Variants in MRPS33 observed in about 807,000 individuals in gnomAD.
MRPS33 encodes small ribosomal subunit protein mS33.
In MRPS33, 11 loss-of-function variants were observed where a neutral mutation model predicts 11.2. The ratio of observed to expected loss-of-function variants is 0.99; its 90% CI spans 0.62 to 1.63. The LOEUF (loss-of-function observed/expected upper bound fraction) is 1.63, where lower values mean the gene tolerates loss of function less well. MRPS33 is among the 40% of genes most tolerant of loss of function. MRPS33 has a pLI of 0.00. For synonymous variants in MRPS33, 46 were observed against 44.0 expected (o/e 1.05, Z -0.18); for missense variants, 109 against 127.8 (o/e 0.85, Z 0.71).
At chr7:141,007,000 G>A (rs1183508418) in intron 2 of MRPS33, among the ~76,000 whole-genome samples, 2 of 152,144 alleles carry the variant, frequency 1.3e-5, no homozygotes, top group Non-Finnish European at 2.9e-5. Flanking sequence ...AAACCTTAGT[G>A]GCAGCAGGTA....
At chr7:141,007,399 A>T (rs759522452) in intron 2 of MRPS33, among the ~76,000 whole-genome samples, 2 of 152,204 alleles carry the variant, frequency 1.3e-5, no homozygotes, top group Non-Finnish European at 2.9e-5. Context: ...TAGGCTATCC[A>T]TGAACATCAT....
intron 2 of MRPS33, among the ~76,000 whole-genome samples, chr7:141,008,797 A>T (rs1820599367): frequency 7.8e-6 from 1 of 128,608 alleles, no homozygotes. Flanking sequence ...TAATTAAAAA[A>T]ATAATTTTTT....
intron 2 of MRPS33, among the ~76,000 whole-genome samples, chr7:141,007,228 C>A (rs748331812): frequency 1.3e-5 from 2 of 152,096 alleles, no homozygotes; most frequent in African/African-American, 2.4e-5. Context: ...TCCATGTGAA[C>A]CTGGGTTCAA....
intron 1 of MRPS33, among the ~76,000 whole-genome samples, chr7:141,013,045 T>A (rs1207469430): frequency 6.6e-6 from 1 of 151,510 alleles, no homozygotes; most frequent in Non-Finnish European, 1.5e-5. Flanking sequence ...TATTCCTTGT[T>A]CTTAATCATG....
chr7:141,010,315 CTATTA>C (rs1820642894), intron 2 of MRPS33, 99 bp downstream of exon 2: 1 of 1,099,478 alleles, frequency 9.1e-7, no homozygotes, highest in Non-Finnish European at 1.3e-6. Flanking sequence ...TACCTGGGCT[CTATTA>C]TAAGAACAAA....
At chr7:141,007,411 G>A (rs935804440) in intron 2 of MRPS33, among the ~76,000 whole-genome samples, 1 of 152,154 alleles carries the variant, frequency 6.6e-6, no homozygotes, top group African/African-American at 2.4e-5. Flanking sequence ...GAACATCATG[G>A]ACAGTATACA....
At chr7:141,014,631 A>C (rs1820756337) in intron 1 of MRPS33, 1 of 152,244 alleles carries the variant, frequency 6.6e-6, no homozygotes, top group Non-Finnish European at 1.5e-5. Flanking sequence ...TGTGATGAGC[A>C]GAGAAACTGA....
In MRPS33 at chr7:141,004,630, T is replaced by C. The variant is rs1820479655; in HGVS notation, c.*1800A>G. The C allele has an allele frequency of 6.6e-6, 1 of 152,226 alleles. No individual in the cohort carries two copies. The highest frequency in any genetic ancestry group is 1.5e-5 in the Non-Finnish European group (1 of 68,036). 9.4% of individuals were successfully genotyped at this position (152,226 alleles called of 1,614,324 possible). A position where few individuals can be genotyped will look rare whatever the true frequency, so the allele number is the denominator to read the frequency against. ...ATATGTTTGAATATTGACACTATTG[T>C]ACACTTAAATATGGTTAAGATCATT... On this transcript the variant is annotated 3_prime_UTR_variant, in exon 3 of 3. Transcript: ENST00000324787.
intron 1 of MRPS33, among the ~76,000 whole-genome samples, chr7:141,013,956 CAG>C (rs1370535343): frequency 6.6e-6 from 1 of 152,148 alleles, no homozygotes; most frequent in Non-Finnish European, 1.5e-5. Flanking sequence ...GTTTTGAAAA[CAG>C]TGGAAGTGTA....
intron 2 of MRPS33, among the ~76,000 whole-genome samples, chr7:141,008,477 G>C (rs1254959270): frequency 1.3e-5 from 2 of 152,178 alleles, no homozygotes; most frequent in Admixed American, 1.3e-4. Context: ...AACCTCTAAT[G>C]TTAACCAAGC....
rs924511140 is a variant in MRPS33, at chr7:141,006,194, G to A, written c.*236C>T. On this transcript the variant is annotated 3_prime_UTR_variant, in exon 3 of 3. Transcript: ENST00000324787. ...TAACTTAGGTATTTATTTCATTAGA[G>A]AATCAGGTAAACCTCACATTACACG... 1 of 527,600 alleles carries A rather than the reference G, an allele frequency of 1.9e-6. No individual in the cohort carries two copies. Among genetic ancestry groups the A allele is most frequent in the Non-Finnish European group, 3.4e-6 (1 of 296,796 alleles). The allele number at this position is 527,600 out of a possible 1,614,324, so 32.7% of individuals were successfully genotyped here.
At chr7:141,012,701 C>T (rs552473062) in intron 1 of MRPS33, among the ~76,000 whole-genome samples, 3 of 152,274 alleles carry the variant, frequency 2.0e-5, no homozygotes, top group Non-Finnish European at 4.4e-5. Context: ...AGTATTTCCA[C>T]AGTTAGTTAT....
intron 2 of MRPS33, among the ~76,000 whole-genome samples, chr7:141,009,265 G>A (rs368124904): frequency 2.0e-5 from 3 of 151,046 alleles, no homozygotes; most frequent in African/African-American, 7.3e-5. Flanking sequence ...CCAAGTAGCT[G>A]GAATTACAGG....
chr7:141,010,403 T>C lies in MRPS33; in HGVS notation c.215+16A>G. 6.2e-7 allele frequency: 1 copy of C among 1,613,110 alleles called. No individual in the cohort carries two copies. Among genetic ancestry groups the C allele is most frequent in the East Asian group, 2.2e-5 (1 of 44,882 alleles). On this transcript the variant is annotated intron_variant, in intron 2 of 2. Coordinates refer to ENST00000324787, the MANE Select transcript of MRPS33 (RefSeq NM_053035.3). ...AAAAAAGTCTCTCATAGGTCCCTCTTTGTGTTTGTCATCACCTGTAGAGTC... is the reference window on the plus strand; with the variant it reads ...AAAAAAGTCTCTCATAGGTCCCTCTCTGTGTTTGTCATCACCTGTAGAGTC...
Position 141,006,148 on chromosome 7 carries a change from C to T in MRPS33, c.*282G>A. 3 of 403,278 alleles carry T rather than the reference C, an allele frequency of 7.4e-6. No individual in the cohort carries two copies. Among genetic ancestry groups the T allele is most frequent in the Non-Finnish European group, 4.5e-6 (1 of 221,584 alleles). 25.0% of individuals were successfully genotyped at this position (403,278 alleles called of 1,614,324 possible). ...CCATTCCCCCAGCATCCCATCCCAC[C>T]CCAAACAAATCATCAAACAATAACT... On this transcript the variant is annotated 3_prime_UTR_variant, in exon 3 of 3. Coordinates refer to ENST00000324787, the MANE Select transcript of MRPS33 (RefSeq NM_053035.3).
At position 141,006,083 on chromosome 7, in the gene MRPS33, T is replaced by G; in HGVS notation, c.*347A>C. On this transcript the variant is annotated 3_prime_UTR_variant, in exon 3 of 3. Transcript: ENST00000324787. ...GAGTCAGTAAGCAAGAAGGGAGAAATGAGGACACTATAGGATGCTCACTTA... is the reference window on the plus strand; with the variant it reads ...GAGTCAGTAAGCAAGAAGGGAGAAAGGAGGACACTATAGGATGCTCACTTA... The G allele has an allele frequency of 4.9e-6, 1 of 203,532 alleles. No homozygotes were observed. The highest frequency in any genetic ancestry group is 9.9e-6 in the Non-Finnish European group (1 of 101,454). The allele number at this position is 203,532 out of a possible 1,614,324, so 12.6% of individuals were successfully genotyped here.
chr7:141,009,541 T>C (rs1820621201), intron 2 of MRPS33: 1 of 152,124 alleles, frequency 6.6e-6, no homozygotes, highest in East Asian at 1.9e-4. Context: ...TTACGTATTA[T>C]CCTTAAAGGC....
At chr7:141,011,986 G>GAAAAAA (rs753943703) in intron 1 of MRPS33, among the ~76,000 whole-genome samples, 2 of 35,288 alleles carry the variant, frequency 5.7e-5, no homozygotes, top group South Asian at 1.4e-3. Flanking sequence ...TGTTTTTACA[G>GAAAAAA]AAAAAAAAAC....
rs1029509825 is a variant in MRPS33 at position 141,003,167 on chromosome 7, C to T, written c.*3263G>A. On this transcript the variant is annotated 3_prime_UTR_variant, in exon 3 of 3. Transcript: ENST00000324787. Reference sequence around the variant, plus strand: ...AATGGTCTATGCACACTGATCCCCACAGGTTAGAAAGCACCAATAGTTTAG... The same window carrying T: ...AATGGTCTATGCACACTGATCCCCATAGGTTAGAAAGCACCAATAGTTTAG... 2.0e-4 allele frequency: 31 copies of T among 152,322 alleles called. No individual in the cohort carries two copies. Among genetic ancestry groups the T allele is most frequent in the African/African-American group, 7.2e-4 (30 of 41,572 alleles). 9.4% of individuals were successfully genotyped at this position (152,322 alleles called of 1,614,324 possible).
Sources: gnomAD v4.1 joint callset for allele counts (sites outside exome capture counted in the v4.1 genomes callset) on GRCh38, gnomAD v4.1.1 for gene constraint, MANE v1.5 for transcripts, NCBI Gene and HGNC (gene_info 2026-07-23, HGNC 2026-07-21) for gene names.